TAF12: variants seen among roughly 807,000 people sequenced by gnomAD.
TAF12 encodes TATA-box binding protein associated factor 12, also known as transcription initiation factor TFIID subunit 12.
TAF12 carries 3 observed loss-of-function variants against 20.8 expected under a neutral mutation model. The observed-to-expected ratio is 0.14, with a 90% CI of 0.07 to 0.37. The LOEUF is 0.37. Ranked by LOEUF, TAF12 falls within the 10% of genes least tolerant of loss-of-function variation. The pLI is 1.00. For missense variants in TAF12, 131 were observed against 197.9 expected (o/e 0.66, Z 2.03); for synonymous variants, 69 against 70.2 (o/e 0.98, Z 0.09).
At chr1:28,620,250 C>T (rs1667171241) in intron 2 of TAF12, among the ~76,000 whole-genome samples, 2 of 150,932 alleles carry the variant, frequency 1.3e-5, no homozygotes, top group South Asian at 4.2e-4. Flanking sequence ...TCTTTTGCCT[C>T]AGCCTCCTGA....
At chr1:28,639,021 C>T (rs1162067257) in intron 1 of TAF12, among the ~76,000 whole-genome samples, 1 of 151,744 alleles carries the variant, frequency 6.6e-6, no homozygotes, top group Non-Finnish European at 1.5e-5. Context: ...GTGATCCGCC[C>T]ACCTCGGCCT....
chr1:28,613,163 T>C, intron 4 of TAF12, 84 bp downstream of exon 4: 5 of 1,147,450 alleles, frequency 4.4e-6, no homozygotes, highest in South Asian at 1.7e-5. Flanking sequence ...GGTTCTGGCA[T>C]GAAGGTTCCT....
intron 1 of TAF12, among the ~76,000 whole-genome samples, chr1:28,636,177 A>C (rs1199598826): frequency 6.6e-6 from 1 of 152,194 alleles, no homozygotes; most frequent in Non-Finnish European, 1.5e-5. Flanking sequence ...TGGTTAGTTG[A>C]GGCTCCAGCT....
chr1:28,621,439 A>C (rs1667217842), intron 2 of TAF12, among the ~76,000 whole-genome samples: 1 of 152,236 alleles, frequency 6.6e-6, no homozygotes, highest in South Asian at 2.1e-4. Context: ...AAGCAAGAGT[A>C]CTTTTATCAT....
At chr1:28,611,543 GAC>G (rs1666860029) in intron 4 of TAF12, among the ~76,000 whole-genome samples, 1 of 142,804 alleles carries the variant, frequency 7.0e-6, no homozygotes, top group African/African-American at 2.7e-5. Context: ...GAAAAGAAGA[GAC>G]ACAGAGACAG....
At chr1:28,635,924 T>C (rs907267016) in intron 1 of TAF12, among the ~76,000 whole-genome samples, 7 of 152,182 alleles carry the variant, frequency 4.6e-5, no homozygotes, top group African/African-American at 1.7e-4. Context: ...ATTTATTATT[T>C]AAGCAAAATA....
chr1:28,631,442 C>G (rs148340042), intron 1 of TAF12, among the ~76,000 whole-genome samples: 26 of 151,420 alleles, frequency 1.7e-4, no homozygotes, highest in African/African-American at 5.8e-4. Flanking sequence ...GGAGAATCAC[C>G]GAAACCTGGG....
intron 1 of TAF12, among the ~76,000 whole-genome samples, chr1:28,641,599 G>C (rs912471679): frequency 1.1e-4 from 17 of 152,216 alleles, no homozygotes; most frequent in African/African-American, 4.1e-4. Flanking sequence ...TTTGAGACCA[G>C]CCTGGGCAAT....
chr1:28,648,207 C>T, exon 1 of TAF12: 1 of 985,334 alleles, frequency 1.0e-6, no homozygotes, highest in Non-Finnish European at 1.2e-6. Flanking sequence ...ATACCTACAG[C>T]CGCTGAGAGC....
intron 1 of TAF12, among the ~76,000 whole-genome samples, chr1:28,627,481 C>T (rs1463401659): frequency 6.6e-6 from 1 of 150,944 alleles, no homozygotes; most frequent in Non-Finnish European, 1.5e-5. Context: ...ATCACAAGGT[C>T]AGGAGATCGA....
chr1:28,639,846 CTTT>C (rs113418227), intron 1 of TAF12, among the ~76,000 whole-genome samples: 1 of 145,734 alleles, frequency 6.9e-6, no homozygotes, highest in Non-Finnish European at 1.5e-5. Flanking sequence ...TTTCAAATTA[CTTT>C]TTTTTTTTTT....
intron 4 of TAF12, among the ~76,000 whole-genome samples, chr1:28,606,632 G>T (rs1294378894): frequency 6.6e-6 from 1 of 152,170 alleles, no homozygotes; most frequent in African/African-American, 2.4e-5. Context: ...TCAAAGCTGT[G>T]AATGCTGAGA....
intron 1 of TAF12, among the ~76,000 whole-genome samples, chr1:28,641,334 G>A (rs1363833917): frequency 6.6e-6 from 1 of 151,718 alleles, no homozygotes; most frequent in Non-Finnish European, 1.5e-5. Context: ...AATACAAAAA[G>A]TAGCCGGGCA....
At chr1:28,628,712 C>T (rs2124359432) in intron 1 of TAF12, among the ~76,000 whole-genome samples, 1 of 151,566 alleles carries the variant, frequency 6.6e-6, no homozygotes, top group African/African-American at 2.4e-5. Flanking sequence ...AAATGGTCTC[C>T]AAGAGAAATT....
At chr1:28,614,009 G>A (rs1417290707) in intron 3 of TAF12, among the ~76,000 whole-genome samples, 1 of 152,172 alleles carries the variant, frequency 6.6e-6, no homozygotes, top group East Asian at 1.9e-4. Context: ...GGAGGCTGAG[G>A]CAGGTGAATC....
intron 1 of TAF12, 24 bp downstream of exon 1, chr1:28,642,968 C>T (rs1668086495): frequency 8.1e-6 from 8 of 986,198 alleles, no homozygotes; most frequent in South Asian, 4.7e-5. Flanking sequence ...TCTTGTTCCT[C>T]AACTGCCAGG....
intron 1 of TAF12, among the ~76,000 whole-genome samples, chr1:28,636,597 C>G (rs750932147): frequency 1.3e-5 from 2 of 151,584 alleles, no homozygotes; most frequent in South Asian, 2.1e-4. Context: ...TGAGACCAGC[C>G]TGGGCAACAT....
At chr1:28,636,141 A>AT (rs1223351865) in intron 1 of TAF12, among the ~76,000 whole-genome samples, 1 of 152,130 alleles carries the variant, frequency 6.6e-6, no homozygotes, top group Non-Finnish European at 1.5e-5. Flanking sequence ...GAAATGCAAG[A>AT]TTTTTTTCCA....
intron 2 of TAF12, 110 bp downstream of exon 2, chr1:28,621,804 T>C: frequency 6.8e-7 from 1 of 1,480,764 alleles, no homozygotes; most frequent in East Asian, 2.5e-5. Context: ...AAAAGACCTT[T>C]TCGGCTAAGA....
Sources: gnomAD v4.1 joint callset for allele counts (sites outside exome capture counted in the v4.1 genomes callset) on GRCh38, gnomAD v4.1.1 for gene constraint, MANE v1.5 for transcripts, NCBI Gene and HGNC (gene_info 2026-07-23, HGNC 2026-07-21) for gene names.